Variants in SSUH2 observed in about 807,000 individuals in gnomAD.
SSUH2 encodes protein SSUH2 homolog.
SSUH2 carries 47 observed loss-of-function variants against 55.3 expected under a neutral mutation model. The observed-to-expected ratio is 0.85, with a 90% confidence interval of 0.67 to 1.08. The LOEUF (loss-of-function observed/expected upper bound fraction) is 1.08, where lower values mean the gene tolerates loss of function less well. SSUH2 is among the 50% of genes least tolerant of loss of function. SSUH2 has a pLI of 0.00. For synonymous variants in SSUH2, 212 were observed against 191.5 expected, an observed-to-expected ratio of 1.11 and a Z score of -0.89; for missense variants, 535 against 490.7, an observed-to-expected ratio of 1.09 and a Z score of -0.85.
chr3:8,633,806 C>T lies in SSUH2; in HGVS notation c.210-11G>A. On this transcript the variant is annotated splice_polypyrimidine_tract_variant and intron_variant, in intron 3 of 11. Coordinates refer to ENST00000544814, the MANE Select transcript of SSUH2 (RefSeq NM_001256748.3). ...GTCATCGCAGGGACTCTGCAGGGGACCGAACAGAGAGGCGGGGGCTTCTGG... is the reference window on the plus strand; with the variant it reads ...GTCATCGCAGGGACTCTGCAGGGGATCGAACAGAGAGGCGGGGGCTTCTGG... The T allele has an allele frequency of 6.2e-7, 1 of 1,613,732 alleles. No individual in the cohort carries two copies. The highest frequency in any genetic ancestry group is 8.5e-7 in the Non-Finnish European group (1 of 1,179,972).
chr3:8,660,185 C>G (rs1305154), intron 6 of SSUH2, among the ~76,000 whole-genome samples: 115,018 of 152,028 alleles, frequency 0.76, 43,988 homozygotes, highest in East Asian at 0.85. Context: ...AGTTGTAATG[C>G]AGCCATTACC....
chr3:8,636,039 T>C (rs971938249), intron 1 of SSUH2, among the ~76,000 whole-genome samples, 182 bp from the exon 2 acceptor site: 7 of 152,154 alleles, frequency 4.6e-5, no homozygotes, highest in Admixed American at 3.9e-4. Flanking sequence ...GCAGCAGTAA[T>C]AATAGTGATG....
chr3:8,634,674 G>A (rs1225380109), intron 3 of SSUH2: 1 of 1,001,796 alleles, frequency 1.0e-6, no homozygotes, highest in Non-Finnish European at 1.4e-6. Flanking sequence ...TGTCCATGGA[G>A]GAGAAGGGGG....
At chr3:8,626,461 T>A in intron 8 of SSUH2, 140 bp from the exon 9 acceptor site, 1 of 634,094 alleles carries the variant, frequency 1.6e-6, no homozygotes, top group Non-Finnish European at 2.8e-6. Flanking sequence ...CACCTAGTCC[T>A]CCTTCTGCTG....
In SSUH2 at chr3:8,670,852, TC is replaced by T; in HGVS notation, c.-455+145del. 3 of 194,130 alleles carry T rather than the reference TC, an allele frequency of 1.5e-5. No homozygotes were observed. In the East Asian group the frequency reaches 3.1e-4, roughly 20 times the overall value. The allele number at this position is 194,130 out of a possible 1,614,324, so 12.0% of individuals were successfully genotyped here. On this transcript the variant is annotated intron_variant, in intron 5 of 18. Coordinates refer to the SSUH2 transcript ENST00000317371. ...TTCCCCTAGAATATTATGAATAATATCCCAGGATGTAGAGCCCTGGTGATTT... is the reference window on the plus strand; with the variant it reads ...TTCCCCTAGAATATTATGAATAATATCCAGGATGTAGAGCCCTGGTGATTT...
intron 5 of SSUH2, among the ~76,000 whole-genome samples, chr3:8,670,800 T>C (rs115712765): frequency 6.6e-6 from 1 of 152,196 alleles, no homozygotes; most frequent in African/African-American, 2.4e-5. Context: ...TCACAGGGTA[T>C]ACATCCCCTT....
In SSUH2 at chr3:8,636,869, G is replaced by C. The variant is rs529007378; in HGVS notation, c.29-1012C>G. Reference sequence around the variant, plus strand: ...TCATTCCACCAATGAGGAAACTGAGGCTCAGAAAGGTTGTGACTTGCCCAA... The same window carrying C: ...TCATTCCACCAATGAGGAAACTGAGCCTCAGAAAGGTTGTGACTTGCCCAA... On this transcript the variant is annotated intron_variant, in intron 1 of 11. Transcript: ENST00000544814. Among the ~76,000 whole-genome samples the C allele has an allele frequency of 2.6e-5, 4 of 152,240 alleles. No homozygotes were observed. The South Asian group carries it at 8.3e-4, about 32-fold the overall frequency.
At chr3:8,642,393 C>T (rs1371490135) in intron 1 of SSUH2, among the ~76,000 whole-genome samples, 1 of 152,188 alleles carries the variant, frequency 6.6e-6, no homozygotes, top group Non-Finnish European at 1.5e-5. Context: ...GACTTGCAGC[C>T]TGGAATCAAG....
At chr3:8,664,374 C>A (rs62244196) in intron 5 of SSUH2, among the ~76,000 whole-genome samples, 6,766 of 152,288 alleles carry the variant, frequency 0.044, 206 homozygotes, top group Middle Eastern at 0.071. Flanking sequence ...TTTCCCTTGG[C>A]GCTGTGTATA....
intron 5 of SSUH2, among the ~76,000 whole-genome samples, chr3:8,669,587 TTGAG>T (rs1200345677): frequency 6.6e-6 from 1 of 152,164 alleles, no homozygotes; most frequent in Non-Finnish European, 1.5e-5. Flanking sequence ...AATAGCAACT[TTGAG>T]TGGGGAAAGC....
chr3:8,656,877 T>TTGTC (rs1245185008), intron 7 of SSUH2, among the ~76,000 whole-genome samples: 17 of 151,942 alleles, frequency 1.1e-4, no homozygotes, highest in Middle Eastern at 6.8e-3. Flanking sequence ...GTTTGTTTGT[T>TTGTC]TGTTTGTTTG....
At chr3:8,649,155 T>C (rs147240796), upstream of SSUH2, among the ~76,000 whole-genome samples, 135 of 152,256 alleles carry the variant, frequency 8.9e-4, no homozygotes, top group African/African-American at 3.0e-3. Context: ...CAGGACTTGA[T>C]CCCAAGAGCA....
At chr3:8,663,979 A>G (rs73127059) in intron 5 of SSUH2, 6,814 of 373,858 alleles carry the variant, frequency 0.018, 394 homozygotes, top group African/African-American at 0.13. Flanking sequence ...AACTTACACA[A>G]TATAGCTTCT....
chr3:8,646,685 G>A (rs1039889715), upstream of SSUH2, among the ~76,000 whole-genome samples: 2 of 152,204 alleles, frequency 1.3e-5, no homozygotes, highest in African/African-American at 2.4e-5. Context: ...TGAGTGACTC[G>A]GGGCAAGTAA....
At chr3:8,666,664 C>A (rs1370959335) in intron 5 of SSUH2, among the ~76,000 whole-genome samples, 1 of 152,208 alleles carries the variant, frequency 6.6e-6, no homozygotes, top group African/African-American at 2.4e-5. Context: ...CGCCCACCAC[C>A]AAGCAGCAGA....
intron 2 of SSUH2, 112 bp downstream of exon 2, chr3:8,635,646 GC>G (rs954054240): frequency 3.6e-5 from 38 of 1,050,762 alleles, no homozygotes; most frequent in African/African-American, 2.1e-4. Context: ...GCTTCCCAGG[GC>G]CCCCCCAGGG....
chr3:8,644,646 A>T, intron 1 of SSUH2, 85 bp downstream of exon 1: 1 of 1,199,598 alleles, frequency 8.3e-7, no homozygotes, highest in South Asian at 1.3e-5. Flanking sequence ...CTTCCAACAT[A>T]TTAGAGGTCA....
chr3:8,676,684 T>G (rs1033871228), intron 3 of SSUH2, among the ~76,000 whole-genome samples: 1 of 149,218 alleles, frequency 6.7e-6, no homozygotes, highest in African/African-American at 2.5e-5. Context: ...TTTCAGGATA[T>G]TAATAACAAT....
intron 1 of SSUH2, among the ~76,000 whole-genome samples, chr3:8,637,998 A>G (rs905698317): frequency 6.6e-6 from 1 of 152,230 alleles, no homozygotes. Flanking sequence ...AGAAAACTTC[A>G]TTTGTGAAAA....
Sources: allele counts gnomAD v4.1 joint callset (sites outside exome capture counted in the v4.1 genomes callset), GRCh38; gene constraint gnomAD v4.1.1; transcripts MANE v1.5; gene names NCBI Gene and HGNC (gene_info 2026-07-23, HGNC 2026-07-21).